COG5: variants seen among roughly 807,000 people sequenced by gnomAD.
COG5 encodes the protein conserved oligomeric Golgi complex subunit 5.
In COG5, 86 loss-of-function variants were observed where a neutral mutation model predicts 110.4. That is an observed-to-expected ratio of 0.78 (90% CI 0.65 to 0.93). COG5 has a LOEUF of 0.93. Among genes scored for constraint, COG5 ranks in the 40% least tolerant of loss-of-function variants. COG5 has a pLI of 0.00. For synonymous variants in COG5, 360 were observed against 334.6 expected (o/e 1.08, Z -0.83); for missense variants, 1,077 against 987.0 (o/e 1.09, Z -1.22).
In COG5 at chr7:107,352,529, G is replaced by C. The variant is rs549830265; in HGVS notation, c.1026+9504C>G. On this transcript the variant is annotated intron_variant, in intron 10 of 21. Transcript: ENST00000297135. ...TAAAAAAAAAACAAAAAAAAAACCA[G>C]AAATCTACCTGGTTTATCCCTATTC... Among the ~76,000 whole-genome samples, 177 of 125,962 alleles carry C rather than the reference G, an allele frequency of 1.4e-3. 3 individuals are homozygous for C. Among genetic ancestry groups the C allele is most frequent in the African/African-American group, 5.0e-3 (168 of 33,908 alleles). 82.6% of individuals were successfully genotyped at this position (125,962 alleles called of 152,430 possible). A position where few individuals can be genotyped will look rare whatever the true frequency, so the allele number is the denominator to read the frequency against.
chr7:107,528,340 C>T (rs1800925928), intron 5 of COG5, among the ~76,000 whole-genome samples: 1 of 152,150 alleles, frequency 6.6e-6, no homozygotes, highest in African/African-American at 2.4e-5. Flanking sequence ...CCTCCCACAT[C>T]AGACTCCCAA....
chr7:107,412,354 AT>A (rs2129067025), intron 7 of COG5, 147 bp downstream of exon 7: 2 of 423,808 alleles, frequency 4.7e-6, no homozygotes, highest in East Asian at 1.2e-4. Flanking sequence ...TCCCTTAACG[AT>A]GACCCATTCT....
At position 107,382,624 on chromosome 7, in the gene COG5, A is replaced by G. The variant is rs536296160; in HGVS notation, c.670-9864T>C. On this transcript the variant is annotated intron_variant, in intron 7 of 21. Coordinates refer to ENST00000297135, the MANE Select transcript of COG5 (RefSeq NM_006348.5). ...AGCTAATTTTTTGCATTTTTAGTAAAGACGGGGTTTCACCATGTTGGCCAG... is the reference window on the plus strand; with the variant it reads ...AGCTAATTTTTTGCATTTTTAGTAAGGACGGGGTTTCACCATGTTGGCCAG... Among the ~76,000 whole-genome samples, 7 of 152,188 alleles carry G rather than the reference A, an allele frequency of 4.6e-5. No individual in the cohort carries two copies. The East Asian group carries it at 1.2e-3, about 25-fold the overall frequency.
Position 107,261,912 on chromosome 7 carries a change from A to T in COG5, c.1576-3529T>A, listed in dbSNP as rs1363431695. 8.3e-5 allele frequency among the ~76,000 whole-genome samples: 12 copies of T among 145,090 alleles called. 1 individual carries two copies. The highest frequency in any genetic ancestry group is 2.0e-4 in the Admixed American group (3 of 14,760). On this transcript the variant is annotated intron_variant, in intron 14 of 21. Transcript: ENST00000297135. ...TCTCTTTGATTTTTTTTTTTTTTTT[A>T]AAGATAGGCTCTCTGTCACCCAAAC...
Position 107,327,861 on chromosome 7 carries a change from T to C in COG5, c.1027-3340A>G, listed in dbSNP as rs1015079884. Among the ~76,000 whole-genome samples, 13 of 152,254 alleles carry C rather than the reference T, an allele frequency of 8.5e-5. 1 individual carries two copies. Among genetic ancestry groups the C allele is most frequent in the Middle Eastern group, 6.8e-3 (2 of 294 alleles). ...GTGCACTGTTGGTAGAAATGTAAAATAGTGTAGCCACTATGGAAAACATTA... is the reference window on the plus strand; with the variant it reads ...GTGCACTGTTGGTAGAAATGTAAAACAGTGTAGCCACTATGGAAAACATTA... On this transcript the variant is annotated intron_variant, in intron 10 of 21. Transcript: ENST00000297135.
chr7:107,545,670 C>T (rs575827644), intron 5 of COG5, among the ~76,000 whole-genome samples: 3 of 150,878 alleles, frequency 2.0e-5, no homozygotes, highest in African/African-American at 7.3e-5. Flanking sequence ...ATCCCAGCTA[C>T]TCGGGAGGCT....
chr7:107,210,536 G>A lies in COG5; in HGVS notation c.2365C>T (p.Leu789Phe). The stretch of plus-strand genomic sequence containing the variant: ...AGCACCTGGCTTTACCTGATGAGGA[G>A]GAGCCTGTCCTTTTCAGATGGATGG... ...DDHPSEKDRL[L>F]LIRGALEAYV... Residue 789 changes from leucine to phenylalanine, a missense_variant, in exon 21 of 22, where the codon CTC becomes TTC. By Grantham distance (22) the Leu-to-Phe change is conservative. Transcript: ENST00000297135. The A allele has an allele frequency of 6.3e-7, 1 of 1,599,464 alleles. No homozygotes were observed. The highest frequency in any genetic ancestry group is 8.5e-7 in the Non-Finnish European group (1 of 1,173,072).
intron 18 of COG5, among the ~76,000 whole-genome samples, chr7:107,233,993 T>G (rs546754875): frequency 6.6e-6 from 1 of 151,260 alleles, no homozygotes; most frequent in African/African-American, 2.5e-5. Context: ...GACATAACAG[T>G]AGAACAATAT....
intron 7 of COG5, among the ~76,000 whole-genome samples, chr7:107,379,922 G>A (rs759541612): frequency 4.6e-5 from 7 of 152,096 alleles, no homozygotes; most frequent in African/African-American, 7.2e-5. Context: ...TGGACCAAGC[G>A]GACCTAATAG....
intron 6 of COG5, among the ~76,000 whole-genome samples, chr7:107,505,372 T>A (rs1361440842): frequency 6.6e-6 from 1 of 152,114 alleles, no homozygotes; most frequent in Non-Finnish European, 1.5e-5. Context: ...AGCTCCCTTG[T>A]CAGGCTGGCA....
At chr7:107,547,258 T>C (rs1172038369) in intron 5 of COG5, among the ~76,000 whole-genome samples, 1 of 151,838 alleles carries the variant, frequency 6.6e-6, no homozygotes, top group African/African-American at 2.4e-5. Flanking sequence ...ACTAACAGAA[T>C]GAAAGACAAA....
intron 10 of COG5, among the ~76,000 whole-genome samples, chr7:107,329,426 A>T (rs529267585): frequency 6.6e-6 from 1 of 152,288 alleles, no homozygotes; most frequent in South Asian, 2.1e-4. Context: ...TTCTATATCT[A>T]TATACCCATC....
chr7:107,264,033 A>G lies in COG5; in HGVS notation c.1576-5650T>C, dbSNP rs61649027. Among the ~76,000 whole-genome samples, 109 of 152,340 alleles carry G rather than the reference A, an allele frequency of 7.2e-4. 1 individual carries two copies. In the East Asian group the frequency reaches 0.019, roughly 27 times the overall value. On this transcript the variant is annotated intron_variant, in intron 14 of 21. Transcript: ENST00000297135. ...GTTGATGGCTCCGAAAAATGTCTAAAAAGAACAAAATAATATATTATAGAT... is the reference window on the plus strand; with the variant it reads ...GTTGATGGCTCCGAAAAATGTCTAAGAAGAACAAAATAATATATTATAGAT...
Position 107,518,969 on chromosome 7 carries a change from T to C in COG5, c.538+8268A>G, listed in dbSNP as rs989549632. On this transcript the variant is annotated intron_variant, in intron 6 of 21. Coordinates refer to ENST00000297135, the MANE Select transcript of COG5 (RefSeq NM_006348.5). ...TCATAACAAACAGTCCACAATGCAATCAAATTAGAACTCGGGATTAAGAAA... is the reference window on the plus strand; with the variant it reads ...TCATAACAAACAGTCCACAATGCAACCAAATTAGAACTCGGGATTAAGAAA... Among the ~76,000 whole-genome samples, 19 of 152,050 alleles carry C rather than the reference T, an allele frequency of 1.2e-4. No homozygotes were observed. In the East Asian group the frequency reaches 3.1e-3, roughly 25 times the overall value.
chr7:107,351,334 T>C (rs553442285), intron 10 of COG5, among the ~76,000 whole-genome samples: 4 of 152,304 alleles, frequency 2.6e-5, no homozygotes, highest in Admixed American at 6.5e-5. Flanking sequence ...ACTTACATGT[T>C]AGACCTAAAA....
chr7:107,235,895 A>G (rs1041877209), intron 18 of COG5, among the ~76,000 whole-genome samples: 1 of 152,192 alleles, frequency 6.6e-6, no homozygotes, highest in African/African-American at 2.4e-5. Context: ...ATGTCATTCT[A>G]TCTCTCACAC....
chr7:107,413,253 G>A (rs1792443339), intron 6 of COG5, among the ~76,000 whole-genome samples: 1 of 151,906 alleles, frequency 6.6e-6, no homozygotes, highest in South Asian at 2.1e-4. Context: ...GGCCTCAAGT[G>A]ATCCTCCCAT....
intron 6 of COG5, among the ~76,000 whole-genome samples, chr7:107,505,833 G>A (rs1262898712): frequency 6.6e-6 from 1 of 152,152 alleles, no homozygotes; most frequent in Admixed American, 6.5e-5. Flanking sequence ...CAAGAATACT[G>A]TGAATGCTGT....
chr7:107,224,324 T>C (rs1447895765), intron 19 of COG5, among the ~76,000 whole-genome samples: 2 of 152,194 alleles, frequency 1.3e-5, no homozygotes, highest in Admixed American at 6.5e-5. Context: ...ACTGTAGACC[T>C]AGAAAACCCT....
Sources: gnomAD v4.1 joint callset for allele counts (sites outside exome capture counted in the v4.1 genomes callset) on GRCh38, gnomAD v4.1.1 for gene constraint, MANE v1.5 for transcripts, NCBI Gene and HGNC (gene_info 2026-07-23, HGNC 2026-07-21) for gene names.